The following STK4 variants were observed in gnomAD, a reference collection of about 807,000 sequenced individuals.
STK4 encodes the protein serine/threonine-protein kinase 4.
In STK4, 30 loss-of-function variants were observed where a neutral mutation model predicts 64.9. The observed-to-expected ratio is 0.46, with a 90% CI of 0.35 to 0.63. STK4 has a LOEUF of 0.63. Ranked by LOEUF, STK4 falls within the 20% of genes least tolerant of loss-of-function variation. The pLI is 0.01. For synonymous variants in STK4, 177 were observed against 199.0 expected (o/e 0.89, Z 0.93); for missense variants, 466 against 598.5 (o/e 0.78, Z 2.31).
At chr20:44,978,208 T>C (rs2067373037) in intron 2 of STK4, among the ~76,000 whole-genome samples, 1 of 152,238 alleles carries the variant, frequency 6.6e-6, no homozygotes, top group South Asian at 2.1e-4. Flanking sequence ...TATTACCATC[T>C]CATAAGAATA....
At position 45,002,722 on chromosome 20, in the gene STK4, G is replaced by A. The variant is rs547911812; in HGVS notation, c.1147+1369G>A. On this transcript the variant is annotated intron_variant, in intron 9 of 10. Transcript: ENST00000372806. The stretch of plus-strand genomic sequence containing the variant: ...TTCAGCAATGATCAACTCACTGCCC[G>A]TCTTATTTCAGCCCCACCTCACCAA... Among the ~76,000 whole-genome samples, 56 of 152,192 alleles carry A rather than the reference G, an allele frequency of 3.7e-4. No individual in the cohort carries two copies. In the South Asian group the frequency reaches 5.6e-3, roughly 15 times the overall value.
intron 10 of STK4, among the ~76,000 whole-genome samples, chr20:45,066,001 G>A (rs1214422600): frequency 1.3e-5 from 2 of 152,008 alleles, no homozygotes; most frequent in Non-Finnish European, 2.9e-5. Flanking sequence ...AAGCATAAGA[G>A]TTGTGATGCT....
chr20:44,977,569 G>T (rs1320508607), intron 2 of STK4, among the ~76,000 whole-genome samples: 1 of 152,118 alleles, frequency 6.6e-6, no homozygotes, highest in East Asian at 1.9e-4. Flanking sequence ...AAGGTAGTTT[G>T]TATTATTGTC....
chr20:44,977,743 C>T (rs1460470230), intron 2 of STK4, among the ~76,000 whole-genome samples: 1 of 152,086 alleles, frequency 6.6e-6, no homozygotes, highest in African/African-American at 2.4e-5. Flanking sequence ...TGATATTAAG[C>T]TGTTAAGGGA....
At position 44,978,543 on chromosome 20, in the gene STK4, G is replaced by T; in HGVS notation, c.217G>T (p.Glu73Ter). The change falls in exon 3 of 11, where the codon GAA (glutamate) becomes TAA (stop). Residue 73 changes from glutamate to a stop codon, truncating the protein, a stop_gained. Transcript: ENST00000372806. LOFTEE classifies it high-confidence loss of function. ...VESDLQEIIK[E>*]ISIMQQCDSP... is the part of the protein sequence containing the mutation. The stretch of plus-strand genomic sequence containing the variant: ...ATCAGACCTCCAGGAGATAATCAAA[G>T]AAATCTCTATAATGCAGCAATGTGA... 1 of 1,614,048 alleles carries T rather than the reference G, an allele frequency of 6.2e-7. No individual in the cohort carries two copies. Among genetic ancestry groups the T allele is most frequent in the Non-Finnish European group, 8.5e-7 (1 of 1,179,992 alleles).
chr20:44,998,619 AT>A (rs1177987113), intron 7 of STK4, among the ~76,000 whole-genome samples: 1 of 152,178 alleles, frequency 6.6e-6, no homozygotes, highest in Admixed American at 6.5e-5. Flanking sequence ...AAGAATCAAT[AT>A]TGTCTATGAT....
At chr20:45,055,746 T>A (rs935016108) in intron 10 of STK4, among the ~76,000 whole-genome samples, 16 of 151,988 alleles carry the variant, frequency 1.1e-4, no homozygotes, top group African/African-American at 3.9e-4. Context: ...GTTTTCTTTT[T>A]CCCCGAGACG....
At chr20:44,986,250 A>G (rs1048880043) in intron 4 of STK4, among the ~76,000 whole-genome samples, 6 of 152,192 alleles carry the variant, frequency 3.9e-5, no homozygotes, top group African/African-American at 1.4e-4. Context: ...TGAGCTAGAA[A>G]TGGAGTAAGA....
intron 10 of STK4, among the ~76,000 whole-genome samples, chr20:45,036,240 A>G (rs970303062): frequency 6.6e-6 from 1 of 152,198 alleles, no homozygotes; most frequent in Non-Finnish European, 1.5e-5. Context: ...TACCCACTGC[A>G]GTCTGAAAAT....
At chr20:44,993,285 A>T (rs2067669154) in intron 5 of STK4, among the ~76,000 whole-genome samples, 1 of 152,092 alleles carries the variant, frequency 6.6e-6, no homozygotes, top group Non-Finnish European at 1.5e-5. Context: ...CATATGCCAT[A>T]GTGAACTTCT....
At chr20:45,044,347 C>T (rs1001410792) in intron 10 of STK4, among the ~76,000 whole-genome samples, 1 of 152,104 alleles carries the variant, frequency 6.6e-6, no homozygotes, top group South Asian at 2.1e-4. Context: ...TTGAACCAGG[C>T]CGGGTGAATG....
chr20:44,998,198 G>T (rs146790654), intron 7 of STK4, among the ~76,000 whole-genome samples: 192 of 152,298 alleles, frequency 1.3e-3, no homozygotes, highest in Non-Finnish European at 2.1e-3. Flanking sequence ...AGGACAGGTG[G>T]CATGTGGCAG....
chr20:45,057,815 T>G (rs1978620071), intron 10 of STK4, among the ~76,000 whole-genome samples: 2 of 152,198 alleles, frequency 1.3e-5, no homozygotes, highest in South Asian at 4.1e-4. Context: ...TTACAAAATT[T>G]TTTTCTGGTT....
intron 1 of STK4, 127 bp downstream of exon 1, chr20:44,966,730 AGTGAGGGGGGGGACGTCTGGTGG>A (rs1017299344): frequency 9.2e-7 from 1 of 1,083,964 alleles, no homozygotes; most frequent in Non-Finnish European, 1.2e-6. Context: ...GCACCTGCTG[AGTGAGGGGGGGGACGTCTGGTGG>A]GTGAGGGTCC....
At chr20:45,041,796 G>T (rs986991826) in intron 10 of STK4, among the ~76,000 whole-genome samples, 2 of 151,768 alleles carry the variant, frequency 1.3e-5, no homozygotes, top group Non-Finnish European at 2.9e-5. Flanking sequence ...ATAACATCAC[G>T]TGTCACAGGA....
At chr20:45,018,974 C>T (rs971458966) in intron 9 of STK4, among the ~76,000 whole-genome samples, 2 of 152,132 alleles carry the variant, frequency 1.3e-5, no homozygotes, top group African/African-American at 4.8e-5. Flanking sequence ...TCAAGCCATC[C>T]TCCTGCCTTG....
At chr20:45,032,454 T>C (rs549242446) in intron 10 of STK4, among the ~76,000 whole-genome samples, 14 of 152,150 alleles carry the variant, frequency 9.2e-5, no homozygotes, top group Non-Finnish European at 1.8e-4. Context: ...CCCTGATTTC[T>C]ATTGTTCTGT....
chr20:45,011,731 T>TATATATATA (rs1428985946), intron 9 of STK4, among the ~76,000 whole-genome samples: 1,555 of 80,890 alleles, frequency 0.019, 16 homozygotes, highest in African/African-American at 0.025. Context: ...ATATATATAT[T>TATATATATA]TTTTTTTTTT....
chr20:44,983,373 C>T (rs532888443), intron 4 of STK4, among the ~76,000 whole-genome samples: 4 of 152,068 alleles, frequency 2.6e-5, no homozygotes, highest in African/African-American at 4.8e-5. Context: ...GAGGCTGAGG[C>T]GGAGGATTGC....
Sources: gnomAD v4.1 joint callset for allele counts (sites outside exome capture counted in the v4.1 genomes callset) on GRCh38, gnomAD v4.1.1 for gene constraint, MANE v1.5 for transcripts, NCBI Gene and HGNC (gene_info 2026-07-23, HGNC 2026-07-21) for gene names.